PIK3CD: variants seen among roughly 807,000 people sequenced by gnomAD.
PIK3CD encodes phosphatidylinositol 4,5-bisphosphate 3-kinase catalytic subunit delta isoform.
A neutral mutation model predicts 122.9 loss-of-function variants in PIK3CD; 20 were observed. The ratio of observed to expected loss-of-function variants is 0.16; its 90% CI spans 0.11 to 0.24. The LOEUF is 0.24. Ranked by LOEUF, PIK3CD falls within the 10% of genes least tolerant of loss-of-function variation. The pLI is 1.00. For missense variants in PIK3CD, 787 were observed against 1,406.3 expected, an observed-to-expected ratio of 0.56 and a Z score of 7.04; for synonymous variants, 596 against 593.4, an observed-to-expected ratio of 1.00 and a Z score of -0.06.
intron 1 of PIK3CD, among the ~76,000 whole-genome samples, chr1:9,673,434 G>GT (rs1557607968): frequency 6.6e-6 from 1 of 151,830 alleles, no homozygotes; most frequent in Non-Finnish European, 1.5e-5. Context: ...GCTAATTTTT[G>GT]TATTTTAGCA....
the PIK3CD span, among the ~76,000 whole-genome samples, chr1:9,641,066 C>T: frequency 1.3e-5 from 2 of 152,144 alleles, no homozygotes; most frequent in Non-Finnish European, 2.9e-5. Flanking sequence ...TTACATTTTT[C>T]GGCAGCACAA....
Position 9,716,042 on chromosome 1 carries a change from G to T in PIK3CD, c.564G>T (p.Arg188=). 6.2e-7 allele frequency: 1 copy of T among 1,612,576 alleles called. No individual in the cohort carries two copies. Among genetic ancestry groups the T allele is most frequent in the Non-Finnish European group, 8.5e-7 (1 of 1,179,930 alleles). The part of the protein sequence containing the change: ...WGPGTLRLPN[R]ALLVNVKFEG... The stretch of plus-strand genomic sequence containing the variant: ...CTGGTACCCTGCGGCTCCCGAACCG[G>T]GCCCTTCTGGTCAACGTTAAGTTTG... The change falls in exon 5 of 24, where the codon CGG becomes CGT. Residue 188 remains arginine (R), a synonymous_variant. Coordinates refer to ENST00000377346, the MANE Select transcript of PIK3CD (RefSeq NM_005026.5).
the PIK3CD span, among the ~76,000 whole-genome samples, chr1:9,629,138 C>T: frequency 6.6e-6 from 1 of 152,160 alleles, no homozygotes; most frequent in Non-Finnish European, 1.5e-5. Flanking sequence ...AGGACTGGGG[C>T]TGCTGTGAGT....
At chr1:9,633,668 C>T in the PIK3CD span, among the ~76,000 whole-genome samples, 1 of 152,196 alleles carries the variant, frequency 6.6e-6, no homozygotes, top group African/African-American at 2.4e-5. Context: ...TAGGTCATGT[C>T]CCCGAGGTTT....
At position 9,720,167 on chromosome 1, in the gene PIK3CD, G is replaced by A. The variant is rs768368212; in HGVS notation, c.1395G>A (p.Thr465=). Reference sequence around the variant, plus strand: ...GCACTGTGCGCAGTAACCCCAACACGGATAGCGCCGCTGCCCTGCTCATCT... The same window carrying A: ...GCACTGTGCGCAGTAACCCCAACACAGATAGCGCCGCTGCCCTGCTCATCT... ...PTGTVRSNPN[T]DSAAALLICL... is the part of the protein sequence containing the mutation. Residue 465 remains threonine (T), a synonymous_variant, in exon 11 of 24, where the codon ACG becomes ACA. Transcript: ENST00000377346. This position sits in a 1 kb window ranked among gnomAD's most constrained non-coding sequence, Gnocchi z 9.0. 1.4e-5 allele frequency: 22 copies of A among 1,612,836 alleles called. No individual in the cohort carries two copies. Among genetic ancestry groups the A allele is most frequent in the Non-Finnish European group, 1.9e-5 (22 of 1,179,876 alleles).
At chr1:9,721,888 C>T in intron 16 of PIK3CD, 28 bp downstream of exon 16, 1 of 1,611,642 alleles carries the variant, frequency 6.2e-7, no homozygotes, top group Non-Finnish European at 8.5e-7. Flanking sequence ...GGGGGGCGGG[C>T]AGGGGGCGGC....
rs558480318 is a variant in PIK3CD at position 9,687,870 on chromosome 1, G to GC, written c.-137-3591dup. On this transcript the variant is annotated intron_variant, in intron 1 of 23. Coordinates refer to ENST00000377346, the MANE Select transcript of PIK3CD (RefSeq NM_005026.5). ...AAGAGGAGTGTCCCCTCCCACCCTGGCCCCCCGTCTTCTCATCCTGGACTC... is the reference window on the plus strand; with the variant it reads ...AAGAGGAGTGTCCCCTCCCACCCTGGCCCCCCCGTCTTCTCATCCTGGACTC... 2.1e-3 allele frequency among the ~76,000 whole-genome samples: 313 copies of GC among 152,100 alleles called. 2 individuals carry two copies. Among genetic ancestry groups the GC allele is most frequent in the African/African-American group, 7.3e-3 (304 of 41,502 alleles).
In PIK3CD at chr1:9,718,428, C is replaced by T. The variant is rs1328179908; in HGVS notation, c.1021-266C>T. 6.6e-6 allele frequency among the ~76,000 whole-genome samples: 1 copy of T among 152,036 alleles called. No homozygotes were observed. The highest frequency in any genetic ancestry group is 1.5e-5 in the Non-Finnish European group (1 of 67,988). On this transcript the variant is annotated intron_variant, in intron 8 of 23. Coordinates refer to ENST00000377346, the MANE Select transcript of PIK3CD (RefSeq NM_005026.5). The surrounding 1 kb of genome is among the most constrained non-coding windows in gnomAD (Gnocchi z 7.2). ...TTGATCCCTGATGGGGAAACTGAGG[C>T]CTGGAGTGGGGAATGGACATGCCCC... is the stretch of plus-strand genomic sequence containing the variant.
chr1:9,681,606 T>A (rs188117311), intron 1 of PIK3CD, among the ~76,000 whole-genome samples: 2 of 152,228 alleles, frequency 1.3e-5, no homozygotes, highest in Admixed American at 6.5e-5. Context: ...TTTCACCATG[T>A]TAGCCAGGCT....
At chr1:9,684,992 T>C (rs1452534471) in intron 1 of PIK3CD, among the ~76,000 whole-genome samples, 1 of 152,036 alleles carries the variant, frequency 6.6e-6, no homozygotes, top group Non-Finnish European at 1.5e-5. Context: ...AGACAGACTT[T>C]TAGTCTAAGC....
intron 1 of PIK3CD, among the ~76,000 whole-genome samples, chr1:9,673,253 A>T (rs201883385): frequency 6.7e-6 from 1 of 149,150 alleles, no homozygotes; most frequent in Non-Finnish European, 1.5e-5. Flanking sequence ...ACACCTGGCT[A>T]ATTTTTTTAT....
rs1646135598 is a variant in PIK3CD at position 9,689,894 on chromosome 1, G to A, written c.-137-1573G>A. On this transcript the variant is annotated intron_variant, in intron 1 of 23. Transcript: ENST00000377346. This position sits in a 1 kb window ranked among gnomAD's most constrained non-coding sequence, Gnocchi z 6.1. ...TGGGGGCTTGGGGGGCCGAGGCAGGGGGTTGCGTTCGCGGTGGGATTCTCA... is the reference window on the plus strand; with the variant it reads ...TGGGGGCTTGGGGGGCCGAGGCAGGAGGTTGCGTTCGCGGTGGGATTCTCA... 6.6e-6 allele frequency among the ~76,000 whole-genome samples: 1 copy of A among 151,950 alleles called. No homozygotes were observed. Among genetic ancestry groups the A allele is most frequent in the African/African-American group, 2.4e-5 (1 of 41,412 alleles).
At chr1:9,679,583 G>A (rs1645671369) in intron 1 of PIK3CD, among the ~76,000 whole-genome samples, 1 of 151,602 alleles carries the variant, frequency 6.6e-6, no homozygotes, top group Non-Finnish European at 1.5e-5. Flanking sequence ...CTGTTTCTCA[G>A]GCATGAAGAA....
intron 1 of PIK3CD, among the ~76,000 whole-genome samples, chr1:9,655,976 C>T (rs1644844759): frequency 2.0e-5 from 3 of 152,170 alleles, no homozygotes; most frequent in Non-Finnish European, 4.4e-5. Context: ...GGATTAAAGG[C>T]GTGAGCCACC....
chr1:9,722,500 C>T lies in PIK3CD; in HGVS notation c.2348-28C>T. The T allele has an allele frequency of 1.9e-6, 3 of 1,598,772 alleles. No individual in the cohort carries two copies. Among genetic ancestry groups the T allele is most frequent in the Non-Finnish European group, 2.6e-6 (3 of 1,166,650 alleles). On this transcript the variant is annotated intron_variant, in intron 18 of 23. Coordinates refer to ENST00000377346, the MANE Select transcript of PIK3CD (RefSeq NM_005026.5). This position sits in a 1 kb window ranked among gnomAD's most constrained non-coding sequence, Gnocchi z 7.6. ...GCAGAGAACCTACCAGAAACTCACG[C>T]TTCTCCTCCCACCGGCCGGTGGCAC...
chr1:9,649,208 C>T (rs1477791951), upstream of PIK3CD, among the ~76,000 whole-genome samples: 4 of 152,214 alleles, frequency 2.6e-5, no homozygotes, highest in East Asian at 1.9e-4. Context: ...GCTGGAATAA[C>T]GGCCTCTGGG....
intron 1 of PIK3CD, among the ~76,000 whole-genome samples, chr1:9,690,736 G>C (rs965319082): frequency 6.6e-6 from 1 of 152,222 alleles, no homozygotes; most frequent in Non-Finnish European, 1.5e-5. Flanking sequence ...GGGCTCTGCT[G>C]TTTGACTCAT....
At chr1:9,695,258 G>C (rs1646359436) in intron 2 of PIK3CD, among the ~76,000 whole-genome samples, 1 of 151,928 alleles carries the variant, frequency 6.6e-6, no homozygotes, top group African/African-American at 2.4e-5. Flanking sequence ...TTTGACTTCA[G>C]TCCAGGAGAC....
intron 2 of PIK3CD, among the ~76,000 whole-genome samples, chr1:9,707,768 C>T (rs1216094615): frequency 2.0e-5 from 3 of 150,480 alleles, no homozygotes; most frequent in Admixed American, 1.3e-4. Context: ...TGTGTGTATT[C>T]GCCTGGGTAA....
Sources: gnomAD v4.1 joint callset for allele counts (sites outside exome capture counted in the v4.1 genomes callset) on GRCh38, gnomAD v4.1.1 for gene constraint, Gnocchi (gnomAD v3.1) non-coding constraint, MANE v1.5 for transcripts, NCBI Gene and HGNC (gene_info 2026-07-23, HGNC 2026-07-21) for gene names.